The following IARS2 variants were observed in gnomAD, a reference collection of about 807,000 sequenced individuals.
IARS2 encodes the protein isoleucine--tRNA ligase, mitochondrial.
IARS2 carries 56 observed loss-of-function variants against 126.3 expected under a neutral mutation model. The ratio of observed to expected loss-of-function variants is 0.44; its 90% confidence interval spans 0.36 to 0.55. The LOEUF is 0.55. Among genes scored for constraint, IARS2 ranks in the 20% least tolerant of loss-of-function variants. The pLI is 0.00. For synonymous variants in IARS2, 407 were observed against 441.1 expected (o/e 0.92, Z 0.97); for missense variants, 1,127 against 1,245.9 (o/e 0.90, Z 1.44).
At chr1:220,094,853 C>T (rs1656403529) in intron 1 of IARS2, among the ~76,000 whole-genome samples, 1 of 152,088 alleles carries the variant, frequency 6.6e-6, no homozygotes, top group Non-Finnish European at 1.5e-5. Flanking sequence ...AAATAAAAAC[C>T]CAGGCTGGGC....
chr1:220,109,448 C>T (rs1185459860), intron 10 of IARS2, among the ~76,000 whole-genome samples: 1 of 151,082 alleles, frequency 6.6e-6, no homozygotes, highest in Non-Finnish European at 1.5e-5. Flanking sequence ...AGGGCTGTCA[C>T]AGTCAAACTG....
chr1:220,095,939 G>C (rs1307014286), intron 1 of IARS2, among the ~76,000 whole-genome samples, 165 bp from the exon 2 acceptor site: 1 of 152,142 alleles, frequency 6.6e-6, no homozygotes, highest in Non-Finnish European at 1.5e-5. Flanking sequence ...ACTTTGACAC[G>C]CATTTCAGAA....
At chr1:220,099,241 A>G (rs1975303) in intron 2 of IARS2, among the ~76,000 whole-genome samples, 3 of 132,478 alleles carry the variant, frequency 2.3e-5, no homozygotes, top group Admixed American at 7.6e-5. Context: ...AGAAATAAAT[A>G]TAATGCAAGC....
intron 12 of IARS2, among the ~76,000 whole-genome samples, chr1:220,117,214 G>A (rs1434206654): frequency 5.1e-5 from 4 of 77,716 alleles, no homozygotes; most frequent in African/African-American, 1.1e-4. Flanking sequence ...TTTTTGAGAT[G>A]GAGTTTCACT....
chr1:220,135,414 G>A (rs1657351844), intron 15 of IARS2, among the ~76,000 whole-genome samples: 1 of 151,914 alleles, frequency 6.6e-6, no homozygotes, highest in Admixed American at 6.6e-5. Flanking sequence ...AGGCTGGAGT[G>A]CAGTGGTGCG....
At chr1:220,106,105 A>C in intron 9 of IARS2, 45 bp downstream of exon 9, 2 of 1,475,624 alleles carry the variant, frequency 1.4e-6, no homozygotes, top group African/African-American at 2.8e-5. Context: ...TCTTAATAAA[A>C]GGAAATGATA....
intron 12 of IARS2, among the ~76,000 whole-genome samples, chr1:220,124,056 G>C (rs1657104646): frequency 6.6e-6 from 1 of 152,178 alleles, no homozygotes; most frequent in Admixed American, 6.5e-5. Flanking sequence ...GCCTTGCCTG[G>C]GTTCAAGTGG....
In IARS2 at chr1:220,102,288, A is replaced by AT. The variant is rs571001903; in HGVS notation, c.699+17dup. ...CAAATGTATGATAAGGTAAAGAAGT[A>AT]TTTTTTCTCTTTGAGTAGGTTTTAG... On this transcript the variant is annotated intron_variant, in intron 4 of 22. Transcript: ENST00000366922. 3,460 of 1,603,790 alleles carry AT rather than the reference A, an allele frequency of 2.2e-3. 7 individuals carry two copies. The highest frequency in any genetic ancestry group is 2.7e-3 in the Non-Finnish European group (3,222 of 1,177,518).
chr1:220,131,509 G>A (rs186774464), intron 14 of IARS2, among the ~76,000 whole-genome samples: 3 of 151,926 alleles, frequency 2.0e-5, no homozygotes, highest in Non-Finnish European at 2.9e-5. Flanking sequence ...GAGCCATCAC[G>A]CCCAGCAAAT....
chr1:220,111,201 GTCA>G (rs1375509995), intron 11 of IARS2, among the ~76,000 whole-genome samples: 3 of 152,160 alleles, frequency 2.0e-5, no homozygotes, highest in African/African-American at 7.2e-5. Flanking sequence ...GCCCAGTGTA[GTCA>G]AAGTTGCATA....
chr1:220,125,677 C>T (rs540377525), intron 13 of IARS2, among the ~76,000 whole-genome samples: 36 of 152,210 alleles, frequency 2.4e-4, no homozygotes, highest in Middle Eastern at 3.4e-3. Flanking sequence ...TTGTGGCATG[C>T]GCCTGTAGTC....
At position 220,147,871 on chromosome 1, in the gene IARS2, A is replaced by G; in HGVS notation, c.*236A>G. On this transcript the variant is annotated 3_prime_UTR_variant, in exon 23 of 23. Coordinates refer to ENST00000366922, the MANE Select transcript of IARS2 (RefSeq NM_018060.4). ...TGTGTGTGTATCTGTGGATGGATATATGTATATCTCTTCCTATATATATCC... is the reference window on the plus strand; with the variant it reads ...TGTGTGTGTATCTGTGGATGGATATGTGTATATCTCTTCCTATATATATCC... 2.0e-6 allele frequency: 1 copy of G among 499,356 alleles called. No individual in the cohort carries two copies. The highest frequency in any genetic ancestry group is 3.5e-6 in the Non-Finnish European group (1 of 282,456). The allele number at this position is 499,356 out of a possible 1,614,324, so 30.9% of individuals were successfully genotyped here.
chr1:220,112,705 T>C (rs1656835801), intron 11 of IARS2, among the ~76,000 whole-genome samples: 1 of 151,472 alleles, frequency 6.6e-6, no homozygotes, highest in South Asian at 2.1e-4. Flanking sequence ...ACTACAGGCC[T>C]GTGCCACCAC....
At position 220,100,486 on chromosome 1, in the gene IARS2, G is replaced by A; in HGVS notation, c.391-4G>A. 1 of 1,589,226 alleles carries A rather than the reference G, an allele frequency of 6.3e-7. No individual in the cohort carries two copies. ...GAATGATAATTATCATTTTATCTTT[G>A]CAGATTTTGAAAGACATAGCCAATC... On this transcript the variant is annotated splice_region_variant and splice_polypyrimidine_tract_variant and intron_variant, in intron 2 of 22. Coordinates refer to ENST00000366922, the MANE Select transcript of IARS2 (RefSeq NM_018060.4).
intron 22 of IARS2, 125 bp downstream of exon 22, chr1:220,145,778 G>C: frequency 1.3e-6 from 1 of 754,054 alleles, no homozygotes; most frequent in Non-Finnish European, 2.0e-6. Context: ...ATCTTTCTAT[G>C]GAAATAATAA....
chr1:220,126,947 T>A lies in IARS2; in HGVS notation c.1837+104T>A. ...AAACTCTTTTTCTGTGTGTGCTTTA[T>A]TTAGAGATCTGCTATATTTTAGACC... On this transcript the variant is annotated intron_variant, in intron 14 of 22. Coordinates refer to ENST00000366922, the MANE Select transcript of IARS2 (RefSeq NM_018060.4). 4 of 759,120 alleles carry A rather than the reference T, an allele frequency of 5.3e-6. No individual in the cohort carries two copies. In the South Asian group the frequency reaches 7.3e-5, roughly 14 times the overall value. The allele number at this position is 759,120 out of a possible 1,614,324, so 47.0% of individuals were successfully genotyped here. A position where few individuals can be genotyped will look rare whatever the true frequency, so the allele number is the denominator to read the frequency against.
intron 2 of IARS2, 111 bp from the exon 3 acceptor site, chr1:220,100,379 A>C: frequency 1.1e-6 from 1 of 875,978 alleles, no homozygotes; most frequent in East Asian, 2.7e-5. Flanking sequence ...CATAAATTGT[A>C]GGCCAAATAT....
In IARS2 at chr1:220,102,429, C is replaced by T. The variant is rs372618006; in HGVS notation, c.749+17C>T. On this transcript the variant is annotated intron_variant, in intron 5 of 22. Coordinates refer to ENST00000366922, the MANE Select transcript of IARS2 (RefSeq NM_018060.4). ...GTCATCTAGGTATATATGCATTTTTCGGTAATTAAAAGGGAGAAATTTGTG... is the reference window on the plus strand; with the variant it reads ...GTCATCTAGGTATATATGCATTTTTTGGTAATTAAAAGGGAGAAATTTGTG... 98 of 1,612,450 alleles carry T rather than the reference C, an allele frequency of 6.1e-5. No homozygotes were observed. The South Asian group carries it at 6.5e-4, about 11-fold the overall frequency.
Position 220,141,931 on chromosome 1 carries a change from A to G in IARS2, c.2543A>G (p.His848Arg), listed in dbSNP as rs1228120833. Reference sequence around the variant, plus strand: ...CACCTGGCTGAAGAGGTGTTCCAGCACATACCTTATATTAAAGGTAAGGAA... The same window carrying G: ...CACCTGGCTGAAGAGGTGTTCCAGCGCATACCTTATATTAAAGGTAAGGAA... ...LPHLAEEVFQ[H>R]IPYIKEPKSV... is the part of the protein sequence containing the mutation. Residue 848 changes from histidine (H) to arginine (R), a missense_variant, in exon 20 of 23, where the codon CAC becomes CGC. His to Arg is a conservative substitution (Grantham distance 29). Coordinates refer to ENST00000366922, the MANE Select transcript of IARS2 (RefSeq NM_018060.4). 1.2e-6 allele frequency: 2 copies of G among 1,613,948 alleles called. No homozygotes were observed. Among genetic ancestry groups the G allele is most frequent in the Admixed American group, 3.3e-5 (2 of 59,984 alleles).
Sources: allele counts gnomAD v4.1 joint callset (sites outside exome capture counted in the v4.1 genomes callset), GRCh38; gene constraint gnomAD v4.1.1; transcripts MANE v1.5; gene names NCBI Gene and HGNC (gene_info 2026-07-23, HGNC 2026-07-21).